RBPJ: variants seen among roughly 807,000 people sequenced by gnomAD.
The protein encoded by RBPJ is recombining binding protein suppressor of hairless.
Under a neutral mutation model 67.8 loss-of-function variants are expected in RBPJ, and 9 were observed. That is an observed-to-expected ratio of 0.13 (90% CI 0.08 to 0.23). The LOEUF (loss-of-function observed/expected upper bound fraction) is 0.23, where lower values mean the gene tolerates loss of function less well. RBPJ is among the 10% of genes least tolerant of loss of function. The pLI, the probability that RBPJ is intolerant of heterozygous loss-of-function variation, is 1.00. For missense variants in RBPJ, 305 were observed against 595.6 expected, an observed-to-expected ratio of 0.51 and a Z score of 5.08; for synonymous variants, 198 against 203.3, an observed-to-expected ratio of 0.97 and a Z score of 0.22.
At chr4:26,271,479 T>A (rs1720913810) in intron 1 of RBPJ, among the ~76,000 whole-genome samples, 1 of 152,104 alleles carries the variant, frequency 6.6e-6, no homozygotes, top group South Asian at 2.1e-4. Flanking sequence ...TGACAGCCTG[T>A]GGCAAAGTCT....
At chr4:26,361,216 T>C (rs1728031181) in intron 1 of RBPJ, among the ~76,000 whole-genome samples, 1 of 152,164 alleles carries the variant, frequency 6.6e-6, no homozygotes, top group Admixed American at 6.6e-5. Flanking sequence ...GTCTCTTGTT[T>C]CTGTTCTTCA....
rs754017128 is a variant in RBPJ, at chr4:26,277,274, C to CAAAA, written c.-166-85160_-166-85157dup. ...GCGACAGAGCAAGACCCTGTTTGTT[C>CAAAA]AAAAAAAAAAAAAAAGTCAAAAGTC... On this transcript the variant is annotated intron_variant, in intron 1 of 4. Coordinates refer to the RBPJ transcript ENST00000512351. Among the ~76,000 whole-genome samples, 132 of 113,436 alleles carry CAAAA rather than the reference C, an allele frequency of 1.2e-3. 2 individuals carry two copies. Among genetic ancestry groups the CAAAA allele is most frequent in the African/African-American group, 3.4e-3 (111 of 32,330 alleles). 74.4% of individuals were successfully genotyped at this position (113,436 alleles called of 152,430 possible).
At chr4:26,238,766 G>A (rs553500260) in intron 1 of RBPJ, among the ~76,000 whole-genome samples, 1 of 152,288 alleles carries the variant, frequency 6.6e-6, no homozygotes, top group East Asian at 1.9e-4. Context: ...GGGGTCGCGG[G>A]AGGATATCTA....
upstream of RBPJ, among the ~76,000 whole-genome samples, chr4:26,315,030 A>C (rs1273098695): frequency 6.6e-6 from 1 of 150,400 alleles, no homozygotes; most frequent in Non-Finnish European, 1.5e-5. Context: ...TTGTAATCCC[A>C]GCTACTCAGG....
chr4:26,416,747 G>T (rs542774338), intron 4 of RBPJ, among the ~76,000 whole-genome samples: 11 of 152,282 alleles, frequency 7.2e-5, no homozygotes, highest in Admixed American at 3.9e-4. Flanking sequence ...AGGTATATGG[G>T]TTGGGAGTAG....
chr4:26,283,988 T>C (rs1358551901), intron 1 of RBPJ, among the ~76,000 whole-genome samples: 1 of 152,150 alleles, frequency 6.6e-6, no homozygotes, highest in Non-Finnish European at 1.5e-5. Flanking sequence ...GTCCAAAAGA[T>C]TTAAGCTGGA....
intron 1 of RBPJ, among the ~76,000 whole-genome samples, chr4:26,301,476 C>T (rs1325799137): frequency 2.6e-5 from 4 of 151,652 alleles, no homozygotes; most frequent in Non-Finnish European, 5.9e-5. Flanking sequence ...CCTGTAGTTC[C>T]AGCTACTCGG....
intron 1 of RBPJ, among the ~76,000 whole-genome samples, chr4:26,386,049 G>A (rs1478706797): frequency 6.6e-6 from 1 of 152,074 alleles, no homozygotes; most frequent in African/African-American, 2.4e-5. Context: ...ACTTTGTGAG[G>A]GTCTTTGGCT....
At chr4:26,327,992 C>T (rs1479338553) in intron 1 of RBPJ, among the ~76,000 whole-genome samples, 1 of 151,982 alleles carries the variant, frequency 6.6e-6, no homozygotes, top group Non-Finnish European at 1.5e-5. Flanking sequence ...GCTTAATTTC[C>T]TCCAGTACAA....
At chr4:26,405,377 T>C (rs998515712) in intron 2 of RBPJ, among the ~76,000 whole-genome samples, 1 of 152,220 alleles carries the variant, frequency 6.6e-6, no homozygotes, top group Non-Finnish European at 1.5e-5. Context: ...GGGATTCTGC[T>C]TATTCAGAAT....
chr4:26,284,584 T>C (rs1346106286), intron 1 of RBPJ, among the ~76,000 whole-genome samples: 1 of 151,936 alleles, frequency 6.6e-6, no homozygotes, highest in Non-Finnish European at 1.5e-5. Flanking sequence ...TTCTCCTACC[T>C]CAGTCTCTCG....
intron 1 of RBPJ, among the ~76,000 whole-genome samples, chr4:26,193,890 G>A (rs918553991): frequency 6.6e-6 from 1 of 152,108 alleles, no homozygotes; most frequent in African/African-American, 2.4e-5. Context: ...TCCCTGCATA[G>A]TTTCCCATTC....
In RBPJ at chr4:26,236,201, C is replaced by G. The variant is rs575254318; in HGVS notation, c.-167+72587C>G. Among the ~76,000 whole-genome samples, 11 of 152,326 alleles carry G rather than the reference C, an allele frequency of 7.2e-5. No homozygotes were observed. In the East Asian group the frequency reaches 1.9e-3, roughly 27 times the overall value. ...GCATCCTGTATCAGCCACGTAAACT[C>G]TGGCTGTGACCTTGAGTGAGTAGGC... On this transcript the variant is annotated intron_variant, in intron 1 of 4. Transcript: ENST00000512351.
Position 26,242,502 on chromosome 4 carries a change from A to T in RBPJ, c.-167+78888A>T, listed in dbSNP as rs191736272. Among the ~76,000 whole-genome samples the T allele has an allele frequency of 6.5e-4, 99 of 151,994 alleles. 1 individual carries two copies. Among genetic ancestry groups the T allele is most frequent in the Middle Eastern group, 3.4e-3 (1 of 294 alleles). On this transcript the variant is annotated intron_variant, in intron 1 of 4. Coordinates refer to the RBPJ transcript ENST00000512351. ...AAAGAAAAGAGAGTGTGGTCCACAG[A>T]TCCTCAGGAACCACTAAGACCCTTT...
the RBPJ span, among the ~76,000 whole-genome samples, chr4:26,130,509 C>T: frequency 6.6e-6 from 1 of 152,162 alleles, no homozygotes; most frequent in Admixed American, 6.5e-5. Context: ...TGGTCTCAGT[C>T]CTTATTTTTT....
At chr4:26,423,053 A>G (rs996268912) in intron 5 of RBPJ, among the ~76,000 whole-genome samples, 1 of 152,148 alleles carries the variant, frequency 6.6e-6, no homozygotes, top group Non-Finnish European at 1.5e-5. Flanking sequence ...CACGTACTAG[A>G]TTTTGCTGAT....
intron 1 of RBPJ, among the ~76,000 whole-genome samples, chr4:26,333,739 G>T (rs954463260): frequency 2.6e-5 from 4 of 151,990 alleles, no homozygotes; most frequent in Non-Finnish European, 5.9e-5. Context: ...ACCCAGGCTG[G>T]AATACAGTGG....
At chr4:26,332,020 C>T (rs751386504) in intron 1 of RBPJ, among the ~76,000 whole-genome samples, 1 of 152,164 alleles carries the variant, frequency 6.6e-6, no homozygotes. Context: ...ATATTATTCT[C>T]TTGACTATGG....
At chr4:26,199,901 G>C (rs558952684) in intron 1 of RBPJ, among the ~76,000 whole-genome samples, 2 of 152,342 alleles carry the variant, frequency 1.3e-5, no homozygotes, top group East Asian at 3.9e-4. Context: ...ATCCTGGCCA[G>C]AACCGTTCAG....
Sources: allele counts gnomAD v4.1 joint callset (sites outside exome capture counted in the v4.1 genomes callset), GRCh38; gene constraint gnomAD v4.1.1; transcripts MANE v1.5; gene names NCBI Gene and HGNC (gene_info 2026-07-23, HGNC 2026-07-21).